PSMA5: variants seen among roughly 807,000 people sequenced by gnomAD.
PSMA5 encodes proteasome 20S subunit alpha 5.
PSMA5 carries 3 observed loss-of-function variants against 34.5 expected under a neutral mutation model. That is an observed-to-expected ratio of 0.09 (90% CI 0.04 to 0.22). The LOEUF is 0.22. Ranked by LOEUF, PSMA5 falls within the 10% of genes least tolerant of loss-of-function variation. The pLI is 1.00. For missense variants in PSMA5, 120 were observed against 286.1 expected, an observed-to-expected ratio of 0.42 and a Z score of 4.19; for synonymous variants, 88 against 95.8, an observed-to-expected ratio of 0.92 and a Z score of 0.47.
At chr1:109,420,700 T>C (rs1654406244) in intron 2 of PSMA5, among the ~76,000 whole-genome samples, 1 of 152,176 alleles carries the variant, frequency 6.6e-6, no homozygotes, top group African/African-American at 2.4e-5. Flanking sequence ...ACAGAATTCA[T>C]ATATACTTTT....
intron 2 of PSMA5, among the ~76,000 whole-genome samples, chr1:109,420,247 G>C (rs184393382): frequency 6.6e-6 from 1 of 152,236 alleles, no homozygotes; most frequent in East Asian, 1.9e-4. Context: ...TGATATTCAT[G>C]ATATATATGG....
intron 8 of PSMA5, among the ~76,000 whole-genome samples, chr1:109,406,017 G>A (rs1032853361): frequency 2.6e-5 from 4 of 152,176 alleles, no homozygotes; most frequent in South Asian, 2.1e-4. Context: ...CAGGTTTCTC[G>A]TGTGAATGAC....
chr1:109,407,070 C>A (rs1489606835), intron 8 of PSMA5, among the ~76,000 whole-genome samples: 1 of 152,164 alleles, frequency 6.6e-6, no homozygotes, highest in Non-Finnish European at 1.5e-5. Context: ...TCACTGCAAG[C>A]TCCGCCTCAC....
intron 6 of PSMA5, 85 bp downstream of exon 6, chr1:109,411,792 G>A (rs1376696065): frequency 4.4e-6 from 6 of 1,353,274 alleles, no homozygotes; most frequent in East Asian, 2.3e-5. Flanking sequence ...CTGGCTAACA[G>A]TCTACAATAA....
At chr1:109,422,929 T>G (rs1441099973) in intron 1 of PSMA5, among the ~76,000 whole-genome samples, 2 of 152,246 alleles carry the variant, frequency 1.3e-5, no homozygotes, top group Non-Finnish European at 2.9e-5. Flanking sequence ...TCAGACTGCT[T>G]TCCTCTCTAA....
chr1:109,420,739 G>T (rs1228148551), intron 2 of PSMA5, among the ~76,000 whole-genome samples: 2 of 152,010 alleles, frequency 1.3e-5, no homozygotes, highest in African/African-American at 4.8e-5. Context: ...TCAATTGGGG[G>T]CCCTTTTGTC....
At chr1:109,413,367 GC>G (rs1456145187) in intron 3 of PSMA5, among the ~76,000 whole-genome samples, 1 of 152,108 alleles carries the variant, frequency 6.6e-6, no homozygotes, top group African/African-American at 2.4e-5. Context: ...ATAAAAATAA[GC>G]CCAGAGAAAA....
At chr1:109,414,777 A>G (rs1047365639) in intron 3 of PSMA5, 1 of 152,878 alleles carries the variant, frequency 6.5e-6, no homozygotes, top group Non-Finnish European at 1.5e-5. Flanking sequence ...TAGCCAAATA[A>G]AATGCCATTC....
intron 8 of PSMA5, among the ~76,000 whole-genome samples, chr1:109,404,904 G>C (rs1423811735): frequency 6.6e-6 from 1 of 152,214 alleles, no homozygotes; most frequent in Non-Finnish European, 1.5e-5. Context: ...ATATGTTTAA[G>C]AGTGATCTGG....
Position 109,425,994 on chromosome 1 carries a change from C to T in PSMA5, c.29+308G>A, listed in dbSNP as rs116711017. ...AAAGATGAACGGAGCAAAGAGTGAC[C>T]CTTGGCCTTCTCCGGGTTCAAGGTA... On this transcript the variant is annotated intron_variant, in intron 1 of 8. Coordinates refer to ENST00000271308, the MANE Select transcript of PSMA5 (RefSeq NM_002790.4). 6.1e-3 allele frequency: 3,272 copies of T among 539,910 alleles called. 22 individuals are homozygous for T. The highest frequency in any genetic ancestry group is 0.02 in the South Asian group (877 of 42,820). The allele number at this position is 539,910 out of a possible 1,614,324, so 33.4% of individuals were successfully genotyped here.
chr1:109,416,714 T>A (rs1376655182), intron 2 of PSMA5, among the ~76,000 whole-genome samples: 2 of 152,228 alleles, frequency 1.3e-5, no homozygotes, highest in African/African-American at 4.8e-5. Context: ...TTAGAAGTGT[T>A]ATTAAATGTA....
intron 2 of PSMA5, 88 bp downstream of exon 2, chr1:109,421,772 T>C: frequency 9.5e-7 from 1 of 1,056,622 alleles, no homozygotes; most frequent in Non-Finnish European, 1.4e-6. Flanking sequence ...TCTAAAGGAA[T>C]GGTTAAACCA....
intron 8 of PSMA5, among the ~76,000 whole-genome samples, chr1:109,403,441 C>T (rs1016865852): frequency 1.3e-5 from 2 of 151,322 alleles, no homozygotes; most frequent in African/African-American, 2.4e-5. Context: ...CTGGACAACA[C>T]AGGGAGACCC....
At chr1:109,406,553 G>A (rs1653771268) in intron 8 of PSMA5, among the ~76,000 whole-genome samples, 2 of 152,186 alleles carry the variant, frequency 1.3e-5, no homozygotes, top group East Asian at 1.9e-4. Context: ...AAAAACATTA[G>A]CCAGGCATGG....
intron 7 of PSMA5, among the ~76,000 whole-genome samples, chr1:109,410,690 T>C (rs1160481018): frequency 6.6e-6 from 1 of 152,236 alleles, no homozygotes; most frequent in African/African-American, 2.4e-5. Context: ...ACGGAAATAC[T>C]GGAACAACAT....
chr1:109,415,379 TTATGATTACCA>T lies in PSMA5; in HGVS notation c.97-27_97-17del, dbSNP rs1455416884. The T allele has an allele frequency of 1.6e-5, 25 of 1,609,986 alleles. No individual in the cohort carries two copies. The highest frequency in any genetic ancestry group is 2.1e-5 in the Non-Finnish European group (25 of 1,177,682). On this transcript the variant is annotated splice_polypyrimidine_tract_variant and intron_variant, in intron 2 of 8. Transcript: ENST00000271308. Reference sequence around the variant, plus strand: ...TAGAACCAAGCTAAAGAGAAACATGTTATGATTACCATATATAGGTCAAATAACTGTCTTAC... The same window carrying T: ...TAGAACCAAGCTAAAGAGAAACATGTTATATAGGTCAAATAACTGTCTTAC...
intron 8 of PSMA5, among the ~76,000 whole-genome samples, chr1:109,406,922 C>T (rs1408534907): frequency 2.6e-5 from 4 of 152,126 alleles, no homozygotes; most frequent in Admixed American, 6.5e-5. Context: ...AAAGTAAGGA[C>T]ACTCGACAGA....
At chr1:109,408,722 G>T (rs957979500) in intron 8 of PSMA5, among the ~76,000 whole-genome samples, 1 of 149,426 alleles carries the variant, frequency 6.7e-6, no homozygotes, top group Non-Finnish European at 1.5e-5. Context: ...ACGGAGTCTC[G>T]TTCTGTCGCC....
Position 109,415,274 on chromosome 1 carries a change from G to C in PSMA5, c.186C>G (p.Ser62Arg). 1 of 1,613,914 alleles carries C rather than the reference G, an allele frequency of 6.2e-7. No homozygotes were observed. Among genetic ancestry groups the C allele is most frequent in the Non-Finnish European group, 8.5e-7 (1 of 1,179,854 alleles). Residue 62 changes from serine to arginine, a missense_variant, in exon 3 of 9, where the codon AGC becomes AGG. This residue lies in a region of PSMA5 where 20 missense variants were observed against 19.4 expected (regional missense o/e 1.03). Transcript: ENST00000271308. ...CAATCTCTACAATTTTCTCAATGCT[G>C]CTGGGCTCCATCAGTGGGGAAGTAA... ...KRITSPLMEP[S>R]SIEKIVEIDA...
Sources: gnomAD v4.1 joint callset for allele counts (sites outside exome capture counted in the v4.1 genomes callset) on GRCh38, gnomAD v4.1.1 for gene constraint, gnomAD v4.1.1 regional missense constraint, MANE v1.5 for transcripts, NCBI Gene and HGNC (gene_info 2026-07-23, HGNC 2026-07-21) for gene names.